TTC6: variants seen among roughly 807,000 people sequenced by gnomAD.
TTC6 encodes the protein tetratricopeptide repeat domain 6.
A neutral mutation model predicts 210.4 loss-of-function variants in TTC6; 172 were observed. That is an observed-to-expected ratio of 0.82 (90% CI 0.72 to 0.93). The LOEUF is 0.93. Among genes scored for constraint, TTC6 ranks in the 40% least tolerant of loss-of-function variants. The pLI is 0.00. For missense variants in TTC6, 2,414 were observed against 2,318.1 expected, an observed-to-expected ratio of 1.04 and a Z score of -0.85; for synonymous variants, 804 against 819.6, an observed-to-expected ratio of 0.98 and a Z score of 0.32.
chr14:37,782,447 G>A (rs1272655364), intron 14 of TTC6, among the ~76,000 whole-genome samples: 2 of 152,208 alleles, frequency 1.3e-5, no homozygotes, highest in East Asian at 1.9e-4. Context: ...TTGGTGTATA[G>A]GAATGCATGT....
At chr14:37,698,758 G>A (rs2095819429) in intron 4 of TTC6, among the ~76,000 whole-genome samples, 1 of 152,120 alleles carries the variant, frequency 6.6e-6, no homozygotes, top group Admixed American at 6.5e-5. Flanking sequence ...AATGGGTCAG[G>A]TGCTGTGTAG....
At chr14:37,732,839 C>A (rs2095891456) in intron 7 of TTC6, among the ~76,000 whole-genome samples, 1 of 151,296 alleles carries the variant, frequency 6.6e-6, no homozygotes, top group South Asian at 2.1e-4. Context: ...ATCTCCTGAC[C>A]TCGTGATCCG....
At chr14:37,788,165 C>G (rs2096072151) in intron 15 of TTC6, among the ~76,000 whole-genome samples, 1 of 152,150 alleles carries the variant, frequency 6.6e-6, no homozygotes, top group African/African-American at 2.4e-5. Context: ...AGGACACCAA[C>G]AGCTAAAAAT....
At chr14:37,605,295 C>T (rs983692397) in intron 1 of TTC6, among the ~76,000 whole-genome samples, 1 of 152,206 alleles carries the variant, frequency 6.6e-6, no homozygotes, top group African/African-American at 2.4e-5. Flanking sequence ...AAATTTTAGA[C>T]AACGAGTTTG....
chr14:37,791,209 G>C (rs2096078422), intron 16 of TTC6, among the ~76,000 whole-genome samples: 1 of 152,046 alleles, frequency 6.6e-6, no homozygotes, highest in Admixed American at 6.6e-5. Flanking sequence ...ATTCTGCTTG[G>C]TGTATGATTG....
chr14:37,783,804 G>A (rs545489102), intron 14 of TTC6, among the ~76,000 whole-genome samples: 1 of 152,264 alleles, frequency 6.6e-6, no homozygotes, highest in South Asian at 2.1e-4. Flanking sequence ...TGCTTGAAAT[G>A]TGTCCCAGAG....
chr14:37,622,206 G>A lies in TTC6; in HGVS notation c.142G>A (p.Glu48Lys). ...GTTGGCCTCCAAGCCGGCTGTAGAT[G>A]AAAGCCCAGTCCACAGCCTCCATGC... is the stretch of plus-strand genomic sequence containing the variant. The change falls in exon 1 of 31, where the codon GAA becomes AAA. Residue 48 changes from glutamate (E) to lysine (K), a missense_variant. Coordinates refer to ENST00000553443, the Ensembl canonical transcript of TTC6. 2.6e-6 allele frequency: 4 copies of A among 1,535,586 alleles called. No homozygotes were observed. In the South Asian group the frequency reaches 4.8e-5, roughly 18 times the overall value.
chr14:37,796,172 A>G, intron 18 of TTC6, 122 bp from the exon 21 acceptor site: 1 of 428,794 alleles, frequency 2.3e-6, no homozygotes. Context: ...TCACTTTTTT[A>G]TGCATACATA....
intron 14 of TTC6, among the ~76,000 whole-genome samples, chr14:37,781,074 T>G (rs2096053514): frequency 6.6e-6 from 1 of 152,212 alleles, no homozygotes; most frequent in Non-Finnish European, 1.5e-5. Context: ...TTTTGAATAA[T>G]GCCACCATAA....
At chr14:37,642,665 C>T (rs177852) in intron 1 of TTC6, among the ~76,000 whole-genome samples, 39,618 of 151,896 alleles carry the variant, frequency 0.26, 5,748 homozygotes, top group Non-Finnish European at 0.33. Context: ...CTCTTAACAA[C>T]GGGAATACTT....
intron 5 of TTC6, among the ~76,000 whole-genome samples, chr14:37,703,442 C>T (rs561914571): frequency 3.3e-5 from 5 of 152,040 alleles, no homozygotes; most frequent in Admixed American, 6.6e-5. Flanking sequence ...ATAGCTTAAC[C>T]TTTTCAAAAT....
chr14:37,694,083 C>A (rs556559381), intron 3 of TTC6, among the ~76,000 whole-genome samples: 9 of 152,182 alleles, frequency 5.9e-5, no homozygotes, highest in Admixed American at 3.9e-4. Flanking sequence ...TAAGCACAGG[C>A]AACCAAAGCA....
At chr14:37,754,936 C>A (rs2095963031) in intron 14 of TTC6, among the ~76,000 whole-genome samples, 1 of 152,074 alleles carries the variant, frequency 6.6e-6, no homozygotes, top group East Asian at 1.9e-4. Context: ...AATGGGATTG[C>A]TGTATCAAAT....
chr14:37,636,551 T>TA (rs1338426485), intron 1 of TTC6, among the ~76,000 whole-genome samples: 7 of 149,802 alleles, frequency 4.7e-5, no homozygotes, highest in Non-Finnish European at 8.9e-5. Context: ...CTCAGGGAAA[T>TA]AAAAAAAATT....
intron 25 of TTC6, among the ~76,000 whole-genome samples, chr14:37,812,947 A>G (rs1009875588): frequency 1.3e-5 from 2 of 152,240 alleles, no homozygotes; most frequent in Admixed American, 6.5e-5. Context: ...CGGGTAGTTT[A>G]AAATGTATTT....
intron 5 of TTC6, 29 bp downstream of exon 7, chr14:37,701,555 A>G (rs956062646): frequency 1.6e-5 from 23 of 1,418,042 alleles, no homozygotes; most frequent in Non-Finnish European, 1.9e-5. Flanking sequence ...ATTTGATTTT[A>G]AGCTAAATGT....
intron 10 of TTC6, among the ~76,000 whole-genome samples, chr14:37,740,484 A>T (rs2095915618): frequency 4.4e-5 from 1 of 22,916 alleles, no homozygotes; most frequent in African/African-American, 8.0e-5. Flanking sequence ...GTAAGAGAAT[A>T]AAAAAAATTG....
intron 26 of TTC6, among the ~76,000 whole-genome samples, chr14:37,822,926 A>G (rs2096161313): frequency 6.6e-6 from 1 of 152,252 alleles, no homozygotes; most frequent in Admixed American, 6.5e-5. Context: ...GGAAGTATTA[A>G]AGGAAATACC....
At chr14:37,830,578 A>G (rs930304070) in intron 29 of TTC6, among the ~76,000 whole-genome samples, 14 of 151,670 alleles carry the variant, frequency 9.2e-5, no homozygotes, top group African/African-American at 2.4e-4. Context: ...TTCCTGAGAT[A>G]CCTGTTATCC....
Sources: allele counts gnomAD v4.1 joint callset (sites outside exome capture counted in the v4.1 genomes callset), GRCh38; gene constraint gnomAD v4.1.1; transcripts MANE v1.5; gene names NCBI Gene and HGNC (gene_info 2026-07-23, HGNC 2026-07-21).